The following RGPD1 variants were observed in gnomAD, a reference collection of about 807,000 sequenced individuals.
RGPD1 encodes the protein RANBP2 like and GRIP domain containing 1, also known as RANBP2-like and GRIP domain-containing protein 1.
A neutral mutation model predicts 40.6 loss-of-function variants in RGPD1; 7 were observed. The ratio of observed to expected loss-of-function variants is 0.17; its 90% CI spans 0.10 to 0.32. The LOEUF (loss-of-function observed/expected upper bound fraction) is 0.32, where lower values mean the gene tolerates loss of function less well. Among genes scored for constraint, RGPD1 ranks in the 10% least tolerant of loss-of-function variants. The pLI is 1.00. For missense variants in RGPD1, 50 were observed against 472.5 expected (o/e 0.11, Z 8.29); for synonymous variants, 24 against 167.0 (o/e 0.14, Z 6.60).
At chr2:86,939,247 A>T (rs2104745403), upstream of RGPD1, among the ~76,000 whole-genome samples, 1 of 135,058 alleles carries the variant, frequency 7.4e-6, no homozygotes, top group South Asian at 2.3e-4. Flanking sequence ...CTGCTTATCC[A>T]AAAGAGAAAA....
At chr2:86,941,552 G>A (rs1373280337), upstream of RGPD1, among the ~76,000 whole-genome samples, 6 of 150,404 alleles carry the variant, frequency 4.0e-5, 2 homozygotes, top group African/African-American at 1.5e-4. Flanking sequence ...GCGAATGGCT[G>A]TTCCTATATA....
intron 1 of RGPD1, among the ~76,000 whole-genome samples, chr2:86,926,897 G>A (rs1188712639): frequency 6.6e-6 from 1 of 151,614 alleles, no homozygotes; most frequent in Non-Finnish European, 1.5e-5. Flanking sequence ...GCACAGCAAA[G>A]TAATGGAATA....
At chr2:86,925,876 A>G (rs932321901) in intron 1 of RGPD1, among the ~76,000 whole-genome samples, 15 of 152,184 alleles carry the variant, frequency 9.9e-5, no homozygotes, top group African/African-American at 3.4e-4. Context: ...GGCCTTGTAC[A>G]TGTTATATAG....
intron 1 of RGPD1, among the ~76,000 whole-genome samples, chr2:86,918,840 AT>A (rs1189046104): frequency 6.7e-5 from 7 of 104,434 alleles, no homozygotes; most frequent in Non-Finnish European, 1.3e-4. Flanking sequence ...GAAAATAATT[AT>A]ACTACTCAGA....
intron 1 of RGPD1, among the ~76,000 whole-genome samples, chr2:86,925,049 C>A (rs1329020833): frequency 4.2e-4 from 64 of 152,314 alleles, no homozygotes; most frequent in Non-Finnish European, 7.1e-4. Context: ...AACACTCTTT[C>A]ATGTGCTCAT....
intron 22 of RGPD1, among the ~76,000 whole-genome samples, chr2:87,008,707 A>G (rs1351332125): frequency 7.5e-5 from 1 of 13,264 alleles, no homozygotes; most frequent in Non-Finnish European, 1.6e-4. Context: ...ATGGCATAAC[A>G]TGCAAGAACA....
intron 1 of RGPD1, among the ~76,000 whole-genome samples, chr2:86,924,435 G>A (rs1678305041): frequency 6.7e-6 from 1 of 150,360 alleles, no homozygotes; most frequent in African/African-American, 2.4e-5. Flanking sequence ...GATTACAGGT[G>A]TGAGCCACCA....
rs1480330021 is a variant in RGPD1 at position 86,929,949 on chromosome 2, A to G, written c.72+16028A>G. On this transcript the variant is annotated intron_variant, in intron 1 of 22. Transcript: ENST00000398193. ...AAACTACTTATGGGATGTCCCCTTC[A>G]CTGGAAGACAGCCCCATGGGAAAGA... Among the ~76,000 whole-genome samples the G allele has an allele frequency of 2.1e-5, 3 of 141,334 alleles. 1 individual carries two copies. The highest frequency in any genetic ancestry group is 2.4e-4 in the South Asian group (1 of 4,170). 92.7% of individuals were successfully genotyped at this position (141,334 alleles called of 152,430 possible).
At chr2:86,944,183 T>C (rs1000228908) in intron 1 of RGPD1, among the ~76,000 whole-genome samples, 35 of 152,022 alleles carry the variant, frequency 2.3e-4, no homozygotes, top group African/African-American at 7.5e-4. Flanking sequence ...CAGGGTGAAA[T>C]AGGTAGTGCA....
In RGPD1 at chr2:86,933,790, C is replaced by CT. The variant is rs1487869823; in HGVS notation, c.73-17505dup. Among the ~76,000 whole-genome samples the CT allele has an allele frequency of 3.0e-4, 34 of 115,244 alleles. 2 individuals are homozygous for CT. Among genetic ancestry groups the CT allele is most frequent in the Non-Finnish European group, 5.2e-4 (29 of 56,276 alleles). 75.6% of individuals were successfully genotyped at this position (115,244 alleles called of 152,430 possible). A position where few individuals can be genotyped will look rare whatever the true frequency, so the allele number is the denominator to read the frequency against. The stretch of plus-strand genomic sequence containing the variant: ...TTTTTTTTTGAGACGGCATCTAACT[C>CT]TGTCACCCAGGCTGGAGTGCAGCGG... On this transcript the variant is annotated intron_variant, in intron 1 of 22. Coordinates refer to the RGPD1 transcript ENST00000398193.
Position 86,942,304 on chromosome 2 carries a change from G to A in RGPD1, c.68G>A (p.Gly23Glu). Reference sequence around the variant, plus strand: ...GTGCAGGGCTCCGCCCCGTCGCCTGGAAAGGTGAGTGGATCTCGAAGAGAC... The same window carrying A: ...GTGCAGGGCTCCGCCCCGTCGCCTGAAAAGGTGAGTGGATCTCGAAGAGAC... ...ASVQGSAPSP[G>E]KKLRGFYFAK... Residue 23 changes from glycine to glutamate, a missense_variant, in exon 1 of 23, where the codon GGA (glycine) becomes GAA (glutamate). Transcript: ENST00000641458. The A allele has an allele frequency of 1.3e-6, 2 of 1,592,480 alleles. No individual in the cohort carries two copies. The highest frequency in any genetic ancestry group is 8.5e-7 in the Non-Finnish European group (1 of 1,171,100).
chr2:86,914,902 CGGCGGCGGA>C (rs1216700943), intron 1 of RGPD1, among the ~76,000 whole-genome samples: 3 of 56,378 alleles, frequency 5.3e-5, no homozygotes, highest in African/African-American at 1.8e-4. Flanking sequence ...CCTGGCCGGG[CGGCGGCGGA>C]GGCGGCGGCC....
At chr2:86,914,745 C>CCTGGCCTAAGGTACTTCT (rs1677694674) in intron 1 of RGPD1, among the ~76,000 whole-genome samples, 1 of 37,790 alleles carries the variant, frequency 2.6e-5, no homozygotes, top group Non-Finnish European at 4.5e-5. Flanking sequence ...GCGGCGGCGG[C>CCTGGCCTAAGGTACTTCT]GGCGGCGGCC....
chr2:86,954,749 A>T (rs1573622675), intron 4 of RGPD1, among the ~76,000 whole-genome samples: 1 of 150,322 alleles, frequency 6.7e-6, no homozygotes, highest in South Asian at 2.1e-4. Context: ...GAATTTTGAC[A>T]TTGGTACAAT....
chr2:86,960,304 CT>C (rs1236882450), intron 6 of RGPD1, among the ~76,000 whole-genome samples: 1 of 54,482 alleles, frequency 1.8e-5, no homozygotes, highest in Non-Finnish European at 3.2e-5. Context: ...GTTACCCCCC[CT>C]TGTGAACCTC....
In RGPD1 at chr2:86,934,636, C is replaced by T. The variant is rs1347398807; in HGVS notation, c.73-16660C>T. The T allele has an allele frequency of 1.8e-5, 3 of 168,448 alleles. No individual in the cohort carries two copies. In the Admixed American group the frequency reaches 2.0e-4, roughly 11 times the overall value. The allele number at this position is 168,448 out of a possible 1,614,324, so 10.4% of individuals were successfully genotyped here. A position where few individuals can be genotyped will look rare whatever the true frequency, so the allele number is the denominator to read the frequency against. ...TTAGGAAAGACACTTGCTGATCTTGCATAGGTCCAAGGAATCAAGGCAGGA... is the reference window on the plus strand; with the variant it reads ...TTAGGAAAGACACTTGCTGATCTTGTATAGGTCCAAGGAATCAAGGCAGGA... On this transcript the variant is annotated intron_variant, in intron 1 of 22. Transcript: ENST00000398193.
intron 1 of RGPD1, among the ~76,000 whole-genome samples, chr2:86,915,028 G>A (rs866864367): frequency 6.7e-6 from 1 of 150,028 alleles, no homozygotes; most frequent in African/African-American, 2.4e-5. Context: ...GGGCATGGTG[G>A]CTCACACCTG....
chr2:86,918,267 TA>T (rs1677865264), intron 1 of RGPD1, among the ~76,000 whole-genome samples: 1 of 33,824 alleles, frequency 3.0e-5, no homozygotes, highest in African/African-American at 7.7e-5. Context: ...AGGCCCTTAT[TA>T]GATTATTTAC....
rs188381049 is a variant in RGPD1 at position 86,919,432 on chromosome 2, C to G, written c.72+5511C>G. 2.4e-4 allele frequency among the ~76,000 whole-genome samples: 35 copies of G among 144,266 alleles called. 4 individuals carry two copies. The East Asian group carries it at 6.7e-3, about 28-fold the overall frequency. The allele number at this position is 144,266 out of a possible 152,430, so 94.6% of individuals were successfully genotyped here. A position where few individuals can be genotyped will look rare whatever the true frequency, so the allele number is the denominator to read the frequency against. Reference sequence around the variant, plus strand: ...GCCTCTGCGTAGAATCCCCCAGTGACTTCCCATGTCACTCAGAGTAAAGGC... The same window carrying G: ...GCCTCTGCGTAGAATCCCCCAGTGAGTTCCCATGTCACTCAGAGTAAAGGC... On this transcript the variant is annotated intron_variant, in intron 1 of 22. Transcript: ENST00000398193.
Sources: gnomAD v4.1 joint callset for allele counts (sites outside exome capture counted in the v4.1 genomes callset) on GRCh38, gnomAD v4.1.1 for gene constraint, MANE v1.5 for transcripts, NCBI Gene and HGNC (gene_info 2026-07-23, HGNC 2026-07-21) for gene names.